The following MAP3K10 variants were observed in gnomAD, a reference collection of about 807,000 sequenced individuals.
MAP3K10 encodes the protein MKN28 derived nonreceptor_type serine/threonine kinase.
In MAP3K10, 22 loss-of-function variants were observed where a neutral mutation model predicts 75.0. The ratio of observed to expected loss-of-function variants is 0.29; its 90% confidence interval spans 0.21 to 0.42. The LOEUF (loss-of-function observed/expected upper bound fraction) is 0.42. MAP3K10 is among the 10% of genes least tolerant of loss of function. The pLI, the probability that MAP3K10 is intolerant of heterozygous loss-of-function variation, is 1.00. For missense variants in MAP3K10, 1,165 were observed against 1,379.8 expected, an observed-to-expected ratio of 0.84 and a Z score of 2.47; for synonymous variants, 599 against 612.9, an observed-to-expected ratio of 0.98 and a Z score of 0.34.
chr19:40,206,952 C>G (rs909261360), intron 5 of MAP3K10, among the ~76,000 whole-genome samples: 1 of 152,032 alleles, frequency 6.6e-6, no homozygotes, highest in African/African-American at 2.4e-5. Flanking sequence ...ACAAAATTAG[C>G]TGGGTGTGGT....
chr19:40,200,896 C>T (rs1030668133), intron 2 of MAP3K10, among the ~76,000 whole-genome samples: 3 of 151,956 alleles, frequency 2.0e-5, no homozygotes, highest in African/African-American at 7.3e-5. Flanking sequence ...AGGCATGAGT[C>T]ACTGCACCCG....
Position 40,215,092 on chromosome 19 carries a change from C to T in MAP3K10, c.2665C>T (p.Pro889Ser). The T allele has an allele frequency of 1.2e-6, 2 of 1,609,934 alleles. No homozygotes were observed. Among genetic ancestry groups the T allele is most frequent in the African/African-American group, 1.3e-5 (1 of 74,376 alleles). ...TTLTFAPRPR[P>S]AASRPRLDPW... Reference sequence around the variant, plus strand: ...CCTGACCTTTGCCCCGAGACCTCGGCCGGCTGCCAGTCGCCCCCGCTTGGA... The same window carrying T: ...CCTGACCTTTGCCCCGAGACCTCGGTCGGCTGCCAGTCGCCCCCGCTTGGA... Residue 889 changes from proline to serine, a missense_variant, in exon 10 of 10, where the codon CCG becomes TCG. Physicochemically the swap from Pro to Ser is moderately conservative, Grantham distance 74. Coordinates refer to ENST00000253055, the MANE Select transcript of MAP3K10 (RefSeq NM_002446.4).
chr19:40,201,978 C>A (rs1473085566), intron 2 of MAP3K10, among the ~76,000 whole-genome samples: 1 of 151,814 alleles, frequency 6.6e-6, no homozygotes, highest in African/African-American at 2.4e-5. Context: ...TCCCCCACCC[C>A]CCAGGCTCCA....
At chr19:40,210,431 C>T (rs530071283) in intron 6 of MAP3K10, among the ~76,000 whole-genome samples, 135 of 151,242 alleles carry the variant, frequency 8.9e-4, no homozygotes, top group South Asian at 1.9e-3. Context: ...CCCAGCACGG[C>T]GGCTCACGCC....
intron 5 of MAP3K10, chr19:40,206,481 T>G (rs1599909525): frequency 4.8e-6 from 1 of 209,278 alleles, no homozygotes; most frequent in Non-Finnish European, 9.4e-6. Flanking sequence ...GAGGCTGAGG[T>G]GGGAGGATCA....
At chr19:40,203,920 G>C (rs958971343) in intron 2 of MAP3K10, among the ~76,000 whole-genome samples, 1 of 152,158 alleles carries the variant, frequency 6.6e-6, no homozygotes, top group Non-Finnish European at 1.5e-5. Context: ...TCCACAAAGG[G>C]AACAGCATGT....
intron 2 of MAP3K10, among the ~76,000 whole-genome samples, chr19:40,201,169 T>TTTG (rs1973011144): frequency 6.6e-6 from 1 of 151,172 alleles, no homozygotes; most frequent in African/African-American, 2.4e-5. Context: ...GCTCCAGCGT[T>TTTG]TTTTGTTTTT....
At chr19:40,193,466 A>G (rs925892391) in intron 1 of MAP3K10, among the ~76,000 whole-genome samples, 6 of 152,228 alleles carry the variant, frequency 3.9e-5, no homozygotes, top group Admixed American at 2.0e-4. Context: ...GTAGAAGGGA[A>G]CATTCTGCAA....
Position 40,206,109 on chromosome 19 carries a change from C to G in MAP3K10, c.1387C>G (p.Arg463Gly), listed in dbSNP as rs746524729. Residue 463 changes from arginine (R) to glycine (G), a missense_variant, in exon 5 of 10, where the codon CGC becomes GGC. Arg to Gly is a moderately radical substitution (Grantham distance 125). Coordinates refer to ENST00000253055, the MANE Select transcript of MAP3K10 (RefSeq NM_002446.4). ...RKRKGNFKRS[R>G]LLKLREGGSH... ...GCGCAAGGGCAACTTCAAGCGCAGC[C>G]GCCTGCTCAAGCTGCGGGAAGGCGG... is the stretch of plus-strand genomic sequence containing the variant. 6.2e-7 allele frequency: 1 copy of G among 1,612,300 alleles called. No homozygotes were observed. The highest frequency in any genetic ancestry group is 1.1e-5 in the South Asian group (1 of 91,004).
chr19:40,199,213 C>T (rs986295511), intron 2 of MAP3K10, among the ~76,000 whole-genome samples: 3 of 152,146 alleles, frequency 2.0e-5, no homozygotes, highest in Admixed American at 6.6e-5. Flanking sequence ...CTAACTGCAC[C>T]GGGTTCTAGG....
Position 40,202,176 on chromosome 19 carries a change from G to T in MAP3K10, c.864-2309G>T, listed in dbSNP as rs1191440716. On this transcript the variant is annotated intron_variant, in intron 2 of 9. Coordinates refer to ENST00000253055, the MANE Select transcript of MAP3K10 (RefSeq NM_002446.4). The stretch of plus-strand genomic sequence containing the variant: ...CTGCCTCAGCCTCCCGAGTAGCTGG[G>T]ACTACAGGCGCCCGCCACCACGCCT... Among the ~76,000 whole-genome samples the T allele has an allele frequency of 2.0e-5, 3 of 152,140 alleles. No homozygotes were observed. In the South Asian group the frequency reaches 6.2e-4, roughly 32 times the overall value.
rs1282374261 is a variant in MAP3K10 at position 40,209,173 on chromosome 19, C to T, written c.1506C>T (p.Ser502=). ...LDKRKGSDGA[S]PPASPSIIPR... Reference sequence around the variant, plus strand: ...AGCGGAAAGGATCCGATGGGGCCAGCCCCCCTGCAAGCCCCAGCATCATCC... The same window carrying T: ...AGCGGAAAGGATCCGATGGGGCCAGTCCCCCTGCAAGCCCCAGCATCATCC... Residue 502 remains serine, a synonymous_variant, in exon 6 of 10, where the codon AGC becomes AGT. Coordinates refer to ENST00000253055, the MANE Select transcript of MAP3K10 (RefSeq NM_002446.4). The T allele has an allele frequency of 6.2e-7, 1 of 1,614,154 alleles. No homozygotes were observed. Among genetic ancestry groups the T allele is most frequent in the East Asian group, 2.2e-5 (1 of 44,878 alleles).
intron 2 of MAP3K10, among the ~76,000 whole-genome samples, chr19:40,199,746 C>G (rs1299056177): frequency 6.6e-6 from 1 of 152,170 alleles, no homozygotes; most frequent in African/African-American, 2.4e-5. Context: ...CTTTGGGAGG[C>G]CAAGGTGGGA....
intron 2 of MAP3K10, among the ~76,000 whole-genome samples, chr19:40,199,969 G>A (rs2145076342): frequency 6.6e-6 from 1 of 151,972 alleles, no homozygotes; most frequent in East Asian, 1.9e-4. Flanking sequence ...GACCAGCCTG[G>A]CCAACATGGT....
intron 1 of MAP3K10, among the ~76,000 whole-genome samples, chr19:40,197,040 C>T (rs62106659): frequency 0.047 from 7,107 of 152,286 alleles, 204 homozygotes; most frequent in Non-Finnish European, 0.059. Flanking sequence ...CCCCAAAACT[C>T]GGCATCTTAA....
Position 40,213,464 on chromosome 19 carries a change from C to T in MAP3K10, c.1838-53C>T. On this transcript the variant is annotated intron_variant, in intron 8 of 9. Coordinates refer to ENST00000253055, the MANE Select transcript of MAP3K10 (RefSeq NM_002446.4). This position sits in a 1 kb window ranked among gnomAD's most constrained non-coding sequence, Gnocchi z 5.7. ...GGGGGCTGTCCCTTGGCACAAGTCC[C>T]CGTGGGGCCCTGGCCAGCCCTGCAG... 1 of 1,592,798 alleles carries T rather than the reference C, an allele frequency of 6.3e-7. No homozygotes were observed. Among genetic ancestry groups the T allele is most frequent in the Non-Finnish European group, 8.5e-7 (1 of 1,173,738 alleles).
Position 40,205,426 on chromosome 19 carries a change from A to G in MAP3K10, c.1188+130A>G, listed in dbSNP as rs892117. On this transcript the variant is annotated intron_variant, in intron 4 of 9. Transcript: ENST00000253055. This position sits in a 1 kb window ranked among gnomAD's most constrained non-coding sequence, Gnocchi z 4.3. Reference sequence around the variant, plus strand: ...GCAGGGTCAAGGGAGCCTTTTTTGCATATTAAGAAAAGACAGCCTCCTGTT... The same window carrying G: ...GCAGGGTCAAGGGAGCCTTTTTTGCGTATTAAGAAAAGACAGCCTCCTGTT... 445,783 of 928,414 alleles carry G rather than the reference A, an allele frequency of 0.48. 113,207 individuals carry two copies. The highest frequency in any genetic ancestry group is 0.6 in the South Asian group (33,683 of 55,676). 57.5% of individuals were successfully genotyped at this position (928,414 alleles called of 1,614,324 possible).
At chr19:40,193,275 T>TG (rs1484167604) in intron 1 of MAP3K10, among the ~76,000 whole-genome samples, 1 of 152,204 alleles carries the variant, frequency 6.6e-6, no homozygotes, top group Non-Finnish European at 1.5e-5. Context: ...AAATGTCCCC[T>TG]GGGGGGCAGA....
chr19:40,212,729 C>G lies in MAP3K10; in HGVS notation c.1553-76C>G, dbSNP rs575221154. 31 of 1,539,652 alleles carry G rather than the reference C, an allele frequency of 2.0e-5. No homozygotes were observed. The African/African-American group carries it at 4.2e-4, about 21-fold the overall frequency. On this transcript the variant is annotated intron_variant, in intron 6 of 9. Coordinates refer to ENST00000253055, the MANE Select transcript of MAP3K10 (RefSeq NM_002446.4). This position sits in a 1 kb window ranked among gnomAD's most constrained non-coding sequence, Gnocchi z 4.2. Reference sequence around the variant, plus strand: ...CTCCCAGGCGGAGGGTGGGCCTGAGCTGGGGGCACTGGAGGCTGGGAGCCC... The same window carrying G: ...CTCCCAGGCGGAGGGTGGGCCTGAGGTGGGGGCACTGGAGGCTGGGAGCCC...
Sources: gnomAD v4.1 joint callset for allele counts (sites outside exome capture counted in the v4.1 genomes callset) on GRCh38, gnomAD v4.1.1 for gene constraint, Gnocchi (gnomAD v3.1) non-coding constraint, MANE v1.5 for transcripts, NCBI Gene and HGNC (gene_info 2026-07-23, HGNC 2026-07-21) for gene names.